THTPA: variants seen among roughly 807,000 people sequenced by gnomAD.
THTPA encodes thiamine-triphosphatase.
THTPA carries 16 observed loss-of-function variants against 16.5 expected under a neutral mutation model. The observed-to-expected ratio is 0.97, with a 90% CI of 0.66 to 1.47. THTPA has a LOEUF of 1.47. Among genes scored for constraint, THTPA ranks in the 40% most tolerant of loss-of-function variants. The pLI is 0.00. For synonymous variants in THTPA, 110 were observed against 115.5 expected (o/e 0.95, Z 0.30); for missense variants, 281 against 280.9 (o/e 1.00, Z 0.00).
chr14:23,533,693 C>T, the THTPA span: 1 of 1,539,724 alleles, frequency 6.5e-7, no homozygotes, highest in Non-Finnish European at 8.7e-7. This position sits in a 1 kb window ranked among gnomAD's most constrained non-coding sequence, Gnocchi z 4.8. Flanking sequence ...CTTCCCTGCC[C>T]ACCAGGGCCC....
the THTPA span, among the ~76,000 whole-genome samples, chr14:23,537,355 A>G: frequency 2.0e-5 from 3 of 151,950 alleles, no homozygotes; most frequent in Non-Finnish European, 4.4e-5. Flanking sequence ...GTATTAGCAG[A>G]TCTCTAGTGA....
the THTPA span, among the ~76,000 whole-genome samples, chr14:23,516,983 C>T: frequency 3.9e-5 from 6 of 152,198 alleles, no homozygotes; most frequent in East Asian, 9.7e-4. Context: ...GAGTCAACCC[C>T]GGGTGCTGCA....
the THTPA span, chr14:23,525,058 G>A: frequency 7.2e-6 from 11 of 1,536,142 alleles, no homozygotes; most frequent in Middle Eastern, 1.7e-4. The surrounding 1 kb of genome is among the most constrained non-coding windows in gnomAD (Gnocchi z 5.9). Context: ...ACAGACTTGC[G>A]AGTCGCTCCA....
At chr14:23,533,434 A>G in the THTPA span, 1 of 1,525,862 alleles carries the variant, frequency 6.6e-7, no homozygotes, top group Non-Finnish European at 8.8e-7. This position sits in a 1 kb window ranked among gnomAD's most constrained non-coding sequence, Gnocchi z 4.8. Flanking sequence ...GTACTGGAAG[A>G]GTTCAGGGGG....
chr14:23,535,013 G>GC, the THTPA span: 1 of 1,536,116 alleles, frequency 6.5e-7, no homozygotes, highest in African/African-American at 1.4e-5. This position sits in a 1 kb window ranked among gnomAD's most constrained non-coding sequence, Gnocchi z 4.5. Flanking sequence ...ATGGGAGGGA[G>GC]CCCTTCTTCT....
In THTPA at chr14:23,557,100, C is replaced by T; in HGVS notation, c.343C>T (p.Leu115=). 6.2e-7 allele frequency: 1 copy of T among 1,614,158 alleles called. No homozygotes were observed. The highest frequency in any genetic ancestry group is 1.6e-4 in the Middle Eastern group (1 of 6,062). Residue 115 remains leucine, a synonymous_variant, in exon 1 of 2, where the codon CTG becomes TTG. Transcript: ENST00000288014. ...GGCTGCTGTGCTGGGCCCACTGGGGCTGCAGGAAGTAGCTAGTTTTGTGAC... is the reference window on the plus strand; with the variant it reads ...GGCTGCTGTGCTGGGCCCACTGGGGTTGCAGGAAGTAGCTAGTTTTGTGAC... ...DVAAVLGPLG[L]QEVASFVTKR... is the part of the protein sequence containing the mutation.
At chr14:23,525,541 G>C in the THTPA span, 4 of 1,535,374 alleles carry the variant, frequency 2.6e-6, no homozygotes, top group Non-Finnish European at 3.5e-6. This position sits in a 1 kb window ranked among gnomAD's most constrained non-coding sequence, Gnocchi z 5.9. Flanking sequence ...GTGGGGGTGG[G>C]GTAGGGGGAG....
chr14:23,533,214 C>T, the THTPA span: 1 of 1,435,320 alleles, frequency 7.0e-7, no homozygotes, highest in East Asian at 2.5e-5. This position sits in a 1 kb window ranked among gnomAD's most constrained non-coding sequence, Gnocchi z 4.8. Flanking sequence ...GGGAGTTGGT[C>T]CTTGGGAGAA....
chr14:23,544,497 TTTGGGG>T, the THTPA span, among the ~76,000 whole-genome samples: 1 of 152,222 alleles, frequency 6.6e-6, no homozygotes, highest in Non-Finnish European at 1.5e-5. Flanking sequence ...CCAGTACTTC[TTTGGGG>T]TTGGTGAAGG....
chr14:23,520,881 T>A, the THTPA span: 1 of 152,086 alleles, frequency 6.6e-6, no homozygotes, highest in Admixed American at 6.5e-5. The surrounding 1 kb of genome is among the most constrained non-coding windows in gnomAD (Gnocchi z 8.7). Flanking sequence ...TTCCTTTTTT[T>A]TTTTTTCTGT....
chr14:23,547,729 G>T, the THTPA span, among the ~76,000 whole-genome samples: 1 of 152,104 alleles, frequency 6.6e-6, no homozygotes, highest in African/African-American at 2.4e-5. Flanking sequence ...CTTAGGTGGG[G>T]GGAGTGGGTG....
At chr14:23,530,140 T>G in the THTPA span, 1 of 1,536,062 alleles carries the variant, frequency 6.5e-7, no homozygotes, top group African/African-American at 1.4e-5. Flanking sequence ...TGTCTTGTTC[T>G]GGGCATCTTT....
the THTPA span, chr14:23,535,181 C>T: frequency 6.5e-7 from 1 of 1,533,096 alleles, no homozygotes. The surrounding 1 kb of genome is among the most constrained non-coding windows in gnomAD (Gnocchi z 4.5). Flanking sequence ...CTCATGTTCT[C>T]AGAGGTGGAG....
At chr14:23,533,545 A>G in the THTPA span, 48 of 1,536,256 alleles carry the variant, frequency 3.1e-5, no homozygotes, top group South Asian at 3.6e-5. The surrounding 1 kb of genome is among the most constrained non-coding windows in gnomAD (Gnocchi z 4.8). Flanking sequence ...GACATTCTGC[A>G]TGTGCTTCTC....
chr14:23,556,889 G>A lies in THTPA; in HGVS notation c.132G>A (p.Glu44=), dbSNP rs750853827. The change falls in exon 1 of 2, where the codon GAG becomes GAA. Residue 44 remains glutamate, a synonymous_variant. Coordinates refer to ENST00000288014, the MANE Select transcript of THTPA (RefSeq NM_024328.6). ...GAGACACCTACTATGACACCCCTGA[G>A]CTGAGCCTCATGCAGGCTGACCACT... is the stretch of plus-strand genomic sequence containing the variant. The part of the protein sequence containing the change: ...TFRDTYYDTP[E]LSLMQADHWL... The A allele has an allele frequency of 1.1e-5, 18 of 1,613,786 alleles. No individual in the cohort carries two copies. The Admixed American group carries it at 2.8e-4, about 25-fold the overall frequency.
At chr14:23,525,158 C>T in the THTPA span, 79 of 1,536,128 alleles carry the variant, frequency 5.1e-5, no homozygotes, top group Admixed American at 5.9e-5. This position sits in a 1 kb window ranked among gnomAD's most constrained non-coding sequence, Gnocchi z 5.9. Context: ...GGAGAACCGG[C>T]GGCCGGCAGG....
the THTPA span, chr14:23,543,210 G>C: frequency 6.6e-5 from 10 of 152,230 alleles, no homozygotes; most frequent in Non-Finnish European, 1.2e-4. Flanking sequence ...CCCTCGGCAA[G>C]TATCACATCA....
the THTPA span, chr14:23,543,460 ACT>A: frequency 1.3e-5 from 2 of 152,166 alleles, no homozygotes; most frequent in African/African-American, 2.4e-5. Context: ...TGATTGTATT[ACT>A]CTGTGTGTCA....
At chr14:23,555,149 G>A (rs1882258034), upstream of THTPA, among the ~76,000 whole-genome samples, 1 of 151,970 alleles carries the variant, frequency 6.6e-6, no homozygotes, top group African/African-American at 2.4e-5. Flanking sequence ...CACCATGCCC[G>A]GCTCATTTTT....
Sources: gnomAD v4.1 joint callset for allele counts (sites outside exome capture counted in the v4.1 genomes callset) on GRCh38, gnomAD v4.1.1 for gene constraint, Gnocchi (gnomAD v3.1) non-coding constraint, MANE v1.5 for transcripts, NCBI Gene and HGNC (gene_info 2026-07-23, HGNC 2026-07-21) for gene names.